The following CKAP5 variants were observed in gnomAD, a reference collection of about 807,000 sequenced individuals.
The protein encoded by CKAP5 is cytoskeleton associated protein 5, also known as cytoskeleton-associated protein 5.
Under a neutral mutation model 232.8 loss-of-function variants are expected in CKAP5, and 27 were observed. That is an observed-to-expected ratio of 0.12 (90% CI 0.09 to 0.16). CKAP5 has a LOEUF of 0.16. CKAP5 is among the 10% of genes least tolerant of loss of function. The probability of loss-of-function intolerance (pLI) is 1.00; values close to 1 mark genes in which losing one functional copy is unlikely to be tolerated. For missense variants in CKAP5, 1,838 were observed against 2,424.7 expected (o/e 0.76, Z 5.08); for synonymous variants, 785 against 841.1 (o/e 0.93, Z 1.16).
At chr11:46,831,200 C>T (rs775750954) in intron 1 of CKAP5, among the ~76,000 whole-genome samples, 1 of 152,068 alleles carries the variant, frequency 6.6e-6, no homozygotes, top group Non-Finnish European at 1.5e-5. Context: ...TGAGCTTCAG[C>T]ATCTTTTATA....
At chr11:46,773,433 G>C (rs1262777633) in intron 24 of CKAP5, among the ~76,000 whole-genome samples, 1 of 151,822 alleles carries the variant, frequency 6.6e-6, no homozygotes, top group Non-Finnish European at 1.5e-5. Flanking sequence ...ATTTTTGGTA[G>C]AGATGGGGTT....
chr11:46,816,376 C>G lies in CKAP5; in HGVS notation c.280G>C (p.Val94Leu). ...TTAGGTTGATTGAACACCTTACTTA[C>G]AACACCTGACACAACTTCTCCTGTG... ...KTTGEVVSGVVSKVFNQPKAK... is the reference protein window; with the variant it reads ...KTTGEVVSGVLSKVFNQPKAK... Residue 94 changes from valine (V) to leucine (L), a missense_variant, in exon 4 of 44, where the codon GTA becomes CTA. Physicochemically the swap from Val to Leu is conservative, Grantham distance 32. Transcript: ENST00000529230. 4 of 1,614,020 alleles carry G rather than the reference C, an allele frequency of 2.5e-6. No homozygotes were observed. The highest frequency in any genetic ancestry group is 4.5e-5 in the East Asian group (2 of 44,878).
At chr11:46,807,218 G>T (rs549019778) in intron 8 of CKAP5, among the ~76,000 whole-genome samples, 1 of 152,134 alleles carries the variant, frequency 6.6e-6, no homozygotes, top group Non-Finnish European at 1.5e-5. Flanking sequence ...GTGACCAAAG[G>T]GTTGCAGGAT....
chr11:46,762,725 C>T lies in CKAP5; in HGVS notation c.3929G>A (p.Arg1310His), dbSNP rs756377640. The change falls in exon 31 of 44, where the codon CGT becomes CAT. Residue 1310 changes from arginine (R) to histidine (H), a missense_variant. This residue lies in a region of CKAP5 where 579 missense variants were observed against 843.2 expected (regional missense o/e 0.69). Coordinates refer to ENST00000529230, the MANE Select transcript of CKAP5 (RefSeq NM_001008938.4). ...AAGGCACATCCGGTTCAGGATGGCA[C>T]GAACATCTTTACGAATGACATCCTT... ...EPKDVIRKDV[R>H]AILNRMCLVY... The T allele has an allele frequency of 8.1e-6, 13 of 1,613,722 alleles. No individual in the cohort carries two copies. Among genetic ancestry groups the T allele is most frequent in the East Asian group, 2.2e-5 (1 of 44,880 alleles).
intron 38 of CKAP5, among the ~76,000 whole-genome samples, chr11:46,752,009 G>A (rs1052092020): frequency 2.0e-5 from 3 of 151,404 alleles, no homozygotes; most frequent in Non-Finnish European, 2.9e-5. Context: ...CAAAATAAAT[G>A]AAATCTGTTT....
In CKAP5 at chr11:46,743,781, C is replaced by A. The variant is rs2065001805; in HGVS notation, c.*242G>T. 1.9e-6 allele frequency: 1 copy of A among 518,966 alleles called. No individual in the cohort carries two copies. Among genetic ancestry groups the A allele is most frequent in the Admixed American group, 3.1e-5 (1 of 31,814 alleles). The allele number at this position is 518,966 out of a possible 1,614,324, so 32.1% of individuals were successfully genotyped here. ...GGAACTAGACTGAGCAGAGAGGGGG[C>A]AGCTGTTTACAAGTCTGTACACTAA... is the stretch of plus-strand genomic sequence containing the variant. On this transcript the variant is annotated 3_prime_UTR_variant, in exon 44 of 44. Transcript: ENST00000529230.
chr11:46,822,548 G>A (rs552301798), intron 1 of CKAP5, among the ~76,000 whole-genome samples: 281 of 152,034 alleles, frequency 1.8e-3, no homozygotes, highest in South Asian at 4.2e-3. Flanking sequence ...GGTCAGGATC[G>A]AGACCATCCT....
At chr11:46,785,205 T>C (rs553408348) in intron 16 of CKAP5, among the ~76,000 whole-genome samples, 4 of 152,366 alleles carry the variant, frequency 2.6e-5, no homozygotes, top group Non-Finnish European at 4.4e-5. Flanking sequence ...GGCAGACCTA[T>C]GGGATTAAGG....
chr11:46,801,096 T>C (rs1338208737), intron 9 of CKAP5, 104 bp downstream of exon 9: 1 of 728,750 alleles, frequency 1.4e-6, no homozygotes, highest in Non-Finnish European at 2.5e-6. Context: ...TTGTACAGTA[T>C]ATACACATCT....
intron 3 of CKAP5, among the ~76,000 whole-genome samples, chr11:46,817,030 T>C (rs1387196447): frequency 6.6e-6 from 1 of 150,910 alleles, no homozygotes; most frequent in Admixed American, 6.6e-5. Flanking sequence ...CACTTGAACC[T>C]GGGAGGTGGA....
chr11:46,752,537 A>C, intron 38 of CKAP5, 98 bp downstream of exon 38: 1 of 836,398 alleles, frequency 1.2e-6, no homozygotes, highest in Non-Finnish European at 1.9e-6. Flanking sequence ...GGTTGATTTG[A>C]GCCTATGTCT....
chr11:46,760,873 A>T (rs2065148771), intron 32 of CKAP5, 89 bp from the exon 33 acceptor site: 3 of 1,174,662 alleles, frequency 2.6e-6, no homozygotes, highest in Non-Finnish European at 3.6e-6. Flanking sequence ...CTATGTTAGG[A>T]CATGTTTACT....
At chr11:46,801,386 G>A in intron 8 of CKAP5, 82 bp from the exon 9 acceptor site, 2 of 1,093,264 alleles carry the variant, frequency 1.8e-6, no homozygotes, top group East Asian at 5.3e-5. Flanking sequence ...AAAGAACTCT[G>A]AGGCCGGGTG....
intron 27 of CKAP5, among the ~76,000 whole-genome samples, chr11:46,767,020 G>GCTTT (rs5791738): frequency 0.16 from 23,428 of 150,526 alleles, 2,874 homozygotes; most frequent in African/African-American, 0.35. Flanking sequence ...AGCTACAAAT[G>GCTTT]CTTTCTCCTT....
chr11:46,785,317 A>G (rs956547679), intron 16 of CKAP5, among the ~76,000 whole-genome samples: 1 of 152,114 alleles, frequency 6.6e-6, no homozygotes, highest in Admixed American at 6.6e-5. Context: ...TTAGGTGACA[A>G]ATACTCCCAT....
chr11:46,809,562 T>C (rs1035938526), intron 6 of CKAP5, 62 bp from the exon 7 acceptor site: 36 of 1,398,282 alleles, frequency 2.6e-5, no homozygotes, highest in Non-Finnish European at 3.5e-5. Context: ...TTATCAGTTA[T>C]CAGTCCTTTC....
At chr11:46,778,343 A>G in intron 21 of CKAP5, 30 bp from the exon 22 acceptor site, 1 of 1,605,294 alleles carries the variant, frequency 6.2e-7, no homozygotes, top group Admixed American at 1.7e-5. Context: ...CTTTAATTCC[A>G]GACTCCAAAA....
chr11:46,817,125 A>G (rs79868615), intron 3 of CKAP5, among the ~76,000 whole-genome samples: 2 of 151,702 alleles, frequency 1.3e-5, no homozygotes, highest in Non-Finnish European at 2.9e-5. Context: ...AAAAAAAAAA[A>G]AAGAGAGAGA....
intron 42 of CKAP5, 112 bp downstream of exon 42, chr11:46,750,162 G>T: frequency 5.8e-6 from 6 of 1,034,152 alleles, no homozygotes; most frequent in South Asian, 3.2e-5. Flanking sequence ...GCCATTTGGT[G>T]ACCATTAAGT....
Sources: gnomAD v4.1 joint callset for allele counts (sites outside exome capture counted in the v4.1 genomes callset) on GRCh38, gnomAD v4.1.1 for gene constraint, gnomAD v4.1.1 regional missense constraint, MANE v1.5 for transcripts, NCBI Gene and HGNC (gene_info 2026-07-23, HGNC 2026-07-21) for gene names.